The following TOMM34 variants were observed in gnomAD, a reference collection of about 807,000 sequenced individuals.
The protein encoded by TOMM34 is translocase of outer mitochondrial membrane 34, also known as mitochondrial import receptor subunit TOM34.
Under a neutral mutation model 37.4 loss-of-function variants are expected in TOMM34, and 24 were observed. That is an observed-to-expected ratio of 0.64 (90% CI 0.46 to 0.90). TOMM34 has a LOEUF of 0.90. Ranked by LOEUF, TOMM34 falls within the 40% of genes least tolerant of loss-of-function variation. TOMM34 has a pLI of 0.00. For synonymous variants in TOMM34, 154 were observed against 148.9 expected, an observed-to-expected ratio of 1.03 and a Z score of -0.25; for missense variants, 304 against 375.6, an observed-to-expected ratio of 0.81 and a Z score of 1.58.
At chr20:44,943,765 G>A (rs2066956776) in intron 5 of TOMM34, among the ~76,000 whole-genome samples, 186 bp from the exon 6 acceptor site, 1 of 152,146 alleles carries the variant, frequency 6.6e-6, no homozygotes, top group Non-Finnish European at 1.5e-5. Context: ...GCTCAGAAGG[G>A]TAAAGGAACT....
At chr20:44,949,353 A>T (rs1452046852) in intron 4 of TOMM34, among the ~76,000 whole-genome samples, 4 of 152,208 alleles carry the variant, frequency 2.6e-5, no homozygotes, top group Non-Finnish European at 5.9e-5. Flanking sequence ...AAATACTAAT[A>T]AACAAATATC....
At position 44,952,015 on chromosome 20, in the gene TOMM34, G is replaced by C; in HGVS notation, c.381-13C>G. ...AGCTCTGGTCATTCTGGAAAAGAAG[G>C]CAGGATTGCAGGGAGGTTTCCAGCT... On this transcript the variant is annotated splice_polypyrimidine_tract_variant and intron_variant, in intron 3 of 6. Coordinates refer to ENST00000372813, the MANE Select transcript of TOMM34 (RefSeq NM_006809.5). The C allele has an allele frequency of 6.2e-7, 1 of 1,600,986 alleles. No individual in the cohort carries two copies. The highest frequency in any genetic ancestry group is 8.5e-7 in the Non-Finnish European group (1 of 1,173,350).
intron 1 of TOMM34, among the ~76,000 whole-genome samples, chr20:44,959,536 A>G (rs2067106864): frequency 6.6e-6 from 1 of 152,132 alleles, no homozygotes; most frequent in Non-Finnish European, 1.5e-5. Context: ...CTGCCTTCCT[A>G]ACTGACCTCA....
chr20:44,955,322 G>A, intron 2 of TOMM34, 102 bp from the exon 3 acceptor site: 1 of 1,464,678 alleles, frequency 6.8e-7, no homozygotes, highest in East Asian at 2.3e-5. Context: ...CAGCGTACAG[G>A]AAGTAATTTC....
chr20:44,951,701 T>C, intron 4 of TOMM34, 132 bp downstream of exon 4: 1 of 1,122,384 alleles, frequency 8.9e-7, no homozygotes, highest in Non-Finnish European at 1.2e-6. Context: ...TGAAGACTTG[T>C]ATTTTGTTTT....
chr20:44,953,869 A>G (rs537773315), intron 3 of TOMM34, among the ~76,000 whole-genome samples: 1 of 152,264 alleles, frequency 6.6e-6, no homozygotes, highest in South Asian at 2.1e-4. Context: ...TTTCTCTAAA[A>G]TACAAATCTG....
Position 44,955,114 on chromosome 20 carries a change from G to A in TOMM34, c.334C>T (p.Leu112=). ...PMAYVDYKTV[L]QIDDNVTSAV... ...GACGTCACATTATCATCAATCTGCAGCACAGTCTTATAGTCAACATAGGCC... is the reference window on the plus strand; with the variant it reads ...GACGTCACATTATCATCAATCTGCAACACAGTCTTATAGTCAACATAGGCC... Residue 112 remains leucine (L), a synonymous_variant, in exon 3 of 7, where the codon CTG becomes TTG. Coordinates refer to ENST00000372813, the MANE Select transcript of TOMM34 (RefSeq NM_006809.5). 1.9e-6 allele frequency: 3 copies of A among 1,614,158 alleles called. No homozygotes were observed. The highest frequency in any genetic ancestry group is 2.2e-5 in the South Asian group (2 of 91,088).
At chr20:44,948,924 A>T (rs760398751) in intron 4 of TOMM34, 47 bp from the exon 5 acceptor site, 1 of 1,600,300 alleles carries the variant, frequency 6.2e-7, no homozygotes, top group South Asian at 1.1e-5. Flanking sequence ...GCAGCACCCA[A>T]CTGAGATCAG....
chr20:44,956,387 A>C lies in TOMM34; in HGVS notation c.226T>G (p.Ser76Ala). ...NCRDCIKDCT[S>A]ALALVPFSIK... The stretch of plus-strand genomic sequence containing the variant: ...CCAAAATTACCCTTGGCCACTTACG[A>C]AGTGCAATCTTTGATGCAGTCTCTG... Residue 76 changes from serine to alanine, a missense_variant and splice_region_variant, in exon 2 of 7, where the codon TCA becomes GCA. Physicochemically the swap from Ser to Ala is moderately conservative, Grantham distance 99. Coordinates refer to ENST00000372813, the MANE Select transcript of TOMM34 (RefSeq NM_006809.5). The C allele has an allele frequency of 6.2e-7, 1 of 1,614,030 alleles. No individual in the cohort carries two copies. Among genetic ancestry groups the C allele is most frequent in the Non-Finnish European group, 8.5e-7 (1 of 1,179,932 alleles).
In TOMM34 at chr20:44,956,460, A is replaced by G; in HGVS notation, c.153T>C (p.Ser51=). 1 of 1,614,186 alleles carries G rather than the reference A, an allele frequency of 6.2e-7. No homozygotes were observed. The highest frequency in any genetic ancestry group is 2.2e-5 in the East Asian group (1 of 44,882). ...ATGCTGCTCGGTTGGAGTAGAGAAC[A>G]CTTTCTTCTTCTGGGTCTGAAGAAC... The part of the protein sequence containing the change: ...AQGSSDPEEE[S]VLYSNRAACH... The change falls in exon 2 of 7, where the codon AGT becomes AGC. Residue 51 remains serine (S), a synonymous_variant. Coordinates refer to ENST00000372813, the MANE Select transcript of TOMM34 (RefSeq NM_006809.5).
intron 5 of TOMM34, among the ~76,000 whole-genome samples, chr20:44,947,156 G>A (rs770476914): frequency 2.6e-5 from 4 of 152,202 alleles, no homozygotes; most frequent in Admixed American, 1.3e-4. Flanking sequence ...GGAGTTAGAA[G>A]ATGCCACACA....
Position 44,951,825 on chromosome 20 carries a change from C to T in TOMM34, c.550+8G>A, listed in dbSNP as rs2067028760. On this transcript the variant is annotated splice_region_variant and intron_variant, in intron 4 of 6. Coordinates refer to ENST00000372813, the MANE Select transcript of TOMM34 (RefSeq NM_006809.5). ...TTGCAAGACTCTGGGCAGGGAGTCA[C>T]AGCTCACCTCTGTTCTTTGTAGCTG... The T allele has an allele frequency of 6.2e-7, 1 of 1,610,912 alleles. No homozygotes were observed. The highest frequency in any genetic ancestry group is 8.5e-7 in the Non-Finnish European group (1 of 1,178,258).
rs557561149 is a variant in TOMM34, at chr20:44,953,230, C to G, written c.381-1228G>C. The stretch of plus-strand genomic sequence containing the variant: ...CCCCTTGCCATCACAGGTATACTCC[C>G]CAGCTTCTCTTCAAGCCTGACTTTC... On this transcript the variant is annotated intron_variant, in intron 3 of 6. Coordinates refer to ENST00000372813, the MANE Select transcript of TOMM34 (RefSeq NM_006809.5). Among the ~76,000 whole-genome samples the G allele has an allele frequency of 2.6e-5, 4 of 152,340 alleles. No individual in the cohort carries two copies. The East Asian group carries it at 7.7e-4, about 29-fold the overall frequency.
At position 44,955,212 on chromosome 20, in the gene TOMM34, G is replaced by C. The variant is rs375966190; in HGVS notation, c.236C>G (p.Ala79Gly). 3.1e-6 allele frequency: 5 copies of C among 1,613,916 alleles called. No homozygotes were observed. ...GGGCTTAATGCTGAAGGGAACCAAG[G>C]CCAGTGCTCTAGAATAGGAGGCAAA... ...DCIKDCTSAL[A>G]LVPFSIKPLL... Residue 79 changes from alanine to glycine, a missense_variant, in exon 3 of 7, where the codon GCC becomes GGC. Transcript: ENST00000372813.
intron 3 of TOMM34, 29 bp downstream of exon 3, chr20:44,955,039 G>A (rs897155770): frequency 6.2e-7 from 1 of 1,612,208 alleles, no homozygotes; most frequent in Non-Finnish European, 8.5e-7. Flanking sequence ...GAGTTGCCGT[G>A]GAGACCACCT....
In TOMM34 at chr20:44,952,570, C is replaced by A. The variant is rs923214846; in HGVS notation, c.381-568G>T. On this transcript the variant is annotated intron_variant, in intron 3 of 6. Coordinates refer to ENST00000372813, the MANE Select transcript of TOMM34 (RefSeq NM_006809.5). Reference sequence around the variant, plus strand: ...ACTTTGCACATGCTTTTTCCTCTACCCAGAACAACCATTTTCATTTTGGAA... The same window carrying A: ...ACTTTGCACATGCTTTTTCCTCTACACAGAACAACCATTTTCATTTTGGAA... 4.2e-6 allele frequency: 3 copies of A among 717,064 alleles called. No homozygotes were observed. The East Asian group carries it at 8.0e-5, about 19-fold the overall frequency. The allele number at this position is 717,064 out of a possible 1,614,324, so 44.4% of individuals were successfully genotyped here.
At chr20:44,944,359 C>T (rs934712251) in intron 5 of TOMM34, among the ~76,000 whole-genome samples, 2 of 152,184 alleles carry the variant, frequency 1.3e-5, no homozygotes, top group Non-Finnish European at 1.5e-5. Context: ...GATGTCTGGG[C>T]GCTCATTACA....
intron 3 of TOMM34, among the ~76,000 whole-genome samples, chr20:44,953,156 A>T (rs1405003417): frequency 6.6e-6 from 1 of 152,066 alleles, no homozygotes; most frequent in Non-Finnish European, 1.5e-5. Context: ...AACCGTCAGC[A>T]TTTAAGTCCC....
intron 4 of TOMM34, among the ~76,000 whole-genome samples, chr20:44,949,219 A>C (rs932833314): frequency 6.6e-6 from 1 of 152,176 alleles, no homozygotes; most frequent in Non-Finnish European, 1.5e-5. Context: ...TTTGGACCTC[A>C]ATTTCCTCAC....
Sources: allele counts gnomAD v4.1 joint callset (sites outside exome capture counted in the v4.1 genomes callset), GRCh38; gene constraint gnomAD v4.1.1; transcripts MANE v1.5; gene names NCBI Gene and HGNC (gene_info 2026-07-23, HGNC 2026-07-21).